The following METTL15 variants were observed in gnomAD, a reference collection of about 807,000 sequenced individuals.
METTL15 encodes the protein methyltransferase 15, mitochondrial 12S rRNA N4-cytidine.
Under a neutral mutation model 38.3 loss-of-function variants are expected in METTL15, and 34 were observed. That is an observed-to-expected ratio of 0.89 (90% CI 0.68 to 1.18). The LOEUF is 1.18. Ranked by LOEUF, METTL15 falls within the 50% of genes most tolerant of loss-of-function variation. The pLI is 0.00. For synonymous variants in METTL15, 162 were observed against 170.9 expected, an observed-to-expected ratio of 0.95 and a Z score of 0.41; for missense variants, 438 against 498.4, an observed-to-expected ratio of 0.88 and a Z score of 1.15.
At chr11:28,110,960 T>C (rs1383405976) in intron 2 of METTL15, among the ~76,000 whole-genome samples, 1 of 152,174 alleles carries the variant, frequency 6.6e-6, no homozygotes, top group African/African-American at 2.4e-5. Flanking sequence ...TTAAATCATT[T>C]AGGGTAGCTG....
intron 6 of METTL15, among the ~76,000 whole-genome samples, chr11:28,424,824 T>G (rs1015696526): frequency 2.0e-5 from 3 of 152,174 alleles, no homozygotes; most frequent in African/African-American, 7.2e-5. Context: ...ATTCCAGACT[T>G]CCTCTGTGTC....
intron 5 of METTL15, among the ~76,000 whole-genome samples, chr11:28,380,595 G>A (rs1850372607): frequency 1.3e-5 from 2 of 152,000 alleles, no homozygotes; most frequent in African/African-American, 4.8e-5. Flanking sequence ...TTCTCTAGCA[G>A]CATGTTTTAA....
intron 5 of METTL15, among the ~76,000 whole-genome samples, chr11:28,367,886 T>C: frequency 6.6e-6 from 1 of 152,054 alleles, no homozygotes; most frequent in East Asian, 1.9e-4. Flanking sequence ...GAAAACTGGC[T>C]AGCCATATGC....
At chr11:28,523,176 A>C (rs551489396) in intron 6 of METTL15, among the ~76,000 whole-genome samples, 1 of 152,366 alleles carries the variant, frequency 6.6e-6, no homozygotes, top group South Asian at 2.1e-4. Flanking sequence ...AACAGCAGGT[A>C]CTGAAAGCTA....
At chr11:28,116,790 G>A (rs890471465) in intron 3 of METTL15, among the ~76,000 whole-genome samples, 4 of 151,984 alleles carry the variant, frequency 2.6e-5, no homozygotes, top group Non-Finnish European at 5.9e-5. Flanking sequence ...AATTGTTCTA[G>A]AGAGAGTCTG....
At chr11:28,277,755 A>G (rs1324857117) in intron 4 of METTL15, among the ~76,000 whole-genome samples, 10 of 152,142 alleles carry the variant, frequency 6.6e-5, no homozygotes, top group African/African-American at 2.2e-4. Flanking sequence ...AGTAACATGG[A>G]TGGAACTAGA....
chr11:28,338,513 C>G (rs1849921694), intron 3 of METTL15, among the ~76,000 whole-genome samples: 1 of 152,054 alleles, frequency 6.6e-6, no homozygotes, highest in African/African-American at 2.4e-5. Context: ...CTGATTCTTT[C>G]ACGGAATCAT....
intron 6 of METTL15, among the ~76,000 whole-genome samples, chr11:28,503,701 G>A (rs1386539775): frequency 1.3e-5 from 2 of 151,972 alleles, no homozygotes; most frequent in Non-Finnish European, 2.9e-5. Flanking sequence ...TGAGGCAGGA[G>A]AATTGCTTGA....
intron 6 of METTL15, among the ~76,000 whole-genome samples, chr11:28,500,763 T>G (rs775776884): frequency 1.8e-4 from 28 of 152,146 alleles, no homozygotes; most frequent in Non-Finnish European, 3.8e-4. Flanking sequence ...CCTCAAATGA[T>G]TCACTCTCCT....
At chr11:28,304,847 C>T (rs1857027095) in intron 6 of METTL15, among the ~76,000 whole-genome samples, 1 of 152,104 alleles carries the variant, frequency 6.6e-6, no homozygotes, top group South Asian at 2.1e-4. Context: ...TTGCTTCCTT[C>T]ATTTTTCTCA....
chr11:28,213,777 T>G (rs1024180381), intron 4 of METTL15, among the ~76,000 whole-genome samples: 21 of 151,372 alleles, frequency 1.4e-4, no homozygotes, highest in African/African-American at 4.4e-4. Flanking sequence ...TGCCTCAGCC[T>G]CCCGAGTAGC....
chr11:28,311,795 G>GT (rs1246388669), intron 6 of METTL15, among the ~76,000 whole-genome samples: 1 of 152,234 alleles, frequency 6.6e-6, no homozygotes, highest in Non-Finnish European at 1.5e-5. Flanking sequence ...TGAATGAAAC[G>GT]TAAGTATGAG....
intron 5 of METTL15, among the ~76,000 whole-genome samples, chr11:28,402,855 T>C (rs542976785): frequency 7.9e-5 from 12 of 151,770 alleles, no homozygotes; most frequent in Non-Finnish European, 1.6e-4. Context: ...GCCTCCTGAG[T>C]CTCCAATGTT....
chr11:28,264,623 T>G (rs1855338929), intron 4 of METTL15, among the ~76,000 whole-genome samples: 1 of 152,080 alleles, frequency 6.6e-6, no homozygotes, highest in East Asian at 1.9e-4. Flanking sequence ...TTCCCCTGGG[T>G]ATTAGAGGAT....
intron 6 of METTL15, among the ~76,000 whole-genome samples, chr11:28,317,869 G>T (rs570835559): frequency 6.6e-6 from 1 of 152,078 alleles, no homozygotes; most frequent in Non-Finnish European, 1.5e-5. Flanking sequence ...CATGAAACAG[G>T]GTTCTCAATC....
At chr11:28,492,124 G>A (rs1313829745) in intron 6 of METTL15, among the ~76,000 whole-genome samples, 2 of 152,120 alleles carry the variant, frequency 1.3e-5, no homozygotes. Flanking sequence ...AGAACAAGAT[G>A]TTTTTTGCTA....
chr11:28,339,635 A>G (rs1336147883), intron 3 of METTL15, among the ~76,000 whole-genome samples: 1 of 152,116 alleles, frequency 6.6e-6, no homozygotes, highest in Non-Finnish European at 1.5e-5. Context: ...ATCAACAGCA[A>G]CAATGTAGCA....
chr11:28,201,680 A>AC (rs1852122528), intron 3 of METTL15, among the ~76,000 whole-genome samples: 1 of 146,654 alleles, frequency 6.8e-6, no homozygotes, highest in Non-Finnish European at 1.5e-5. Context: ...AGAGGTGTTT[A>AC]TAGTATTTTC....
intron 4 of METTL15, among the ~76,000 whole-genome samples, chr11:28,285,116 C>A (rs1856201934): frequency 1.3e-5 from 2 of 152,142 alleles, no homozygotes; most frequent in African/African-American, 4.8e-5. Flanking sequence ...AAGGTGCCTG[C>A]TTCCCCTTTG....
Sources: gnomAD v4.1 joint callset for allele counts (sites outside exome capture counted in the v4.1 genomes callset) on GRCh38, gnomAD v4.1.1 for gene constraint, MANE v1.5 for transcripts, NCBI Gene and HGNC (gene_info 2026-07-23, HGNC 2026-07-21) for gene names.